Variants in RPGRIP1 observed in about 807,000 individuals in gnomAD.
The protein encoded by RPGRIP1 is RPGR interacting protein 1.
Under a neutral mutation model 157.9 loss-of-function variants are expected in RPGRIP1, and 128 were observed. That is an observed-to-expected ratio of 0.81 (90% CI 0.70 to 0.94). The LOEUF (loss-of-function observed/expected upper bound fraction) is 0.94, where lower values mean the gene tolerates loss of function less well. RPGRIP1 is among the 40% of genes least tolerant of loss of function. The probability of loss-of-function intolerance (pLI) is 0.00; values close to 1 mark genes in which losing one functional copy is unlikely to be tolerated. For synonymous variants in RPGRIP1, 554 were observed against 571.6 expected (o/e 0.97, Z 0.44); for missense variants, 1,486 against 1,545.8 (o/e 0.96, Z 0.65).
At chr14:21,302,679 T>G (rs982555009) in intron 5 of RPGRIP1, 95 bp downstream of exon 5, 5 of 779,972 alleles carry the variant, frequency 6.4e-6, no homozygotes, top group African/African-American at 3.4e-5. Context: ...GATTTGAGTC[T>G]TTTCAGCATG....
intron 24 of RPGRIP1, among the ~76,000 whole-genome samples, chr14:21,350,483 TCTTA>T (rs1385608071): frequency 6.6e-6 from 1 of 152,070 alleles, no homozygotes; most frequent in Non-Finnish European, 1.5e-5. Context: ...ATAAAATTAT[TCTTA>T]CTGATCATTA....
chr14:21,306,083 C>G (rs953291172), intron 6 of RPGRIP1, among the ~76,000 whole-genome samples: 1 of 134,776 alleles, frequency 7.4e-6, no homozygotes, highest in African/African-American at 2.8e-5. Context: ...ATAAAGAAAA[C>G]GTGAGCTCCT....
At position 21,283,039 on chromosome 14, in the gene RPGRIP1, T is replaced by C. The variant is rs76903739; in HGVS notation, c.-39+2880T>C. Among the ~76,000 whole-genome samples the C allele has an allele frequency of 7.4e-3, 1,121 of 152,330 alleles. 20 individuals carry two copies. Among genetic ancestry groups the C allele is most frequent in the African/African-American group, 0.026 (1,075 of 41,580 alleles). Reference sequence around the variant, plus strand: ...AACTCCATTTCATTCTTAGAGCTTCTGTGACTTCAGTTTTAATGATACTTT... The same window carrying C: ...AACTCCATTTCATTCTTAGAGCTTCCGTGACTTCAGTTTTAATGATACTTT... On this transcript the variant is annotated intron_variant, in intron 1 of 24. Transcript: ENST00000400017.
intron 8 of RPGRIP1, 125 bp from the exon 9 acceptor site, chr14:21,311,699 A>G (rs1177113820): frequency 2.8e-6 from 2 of 719,678 alleles, no homozygotes; most frequent in Non-Finnish European, 4.5e-6. Context: ...GTACAAAGGT[A>G]ATAAGCTATT....
chr14:21,339,356 G>A (rs1412755117), intron 21 of RPGRIP1, among the ~76,000 whole-genome samples: 3 of 152,050 alleles, frequency 2.0e-5, no homozygotes, highest in Admixed American at 6.6e-5. Context: ...GGAGAAAGGA[G>A]AATGGTTTGA....
rs539255073 is a variant in RPGRIP1, at chr14:21,342,029, G to C, written c.3340-1007G>C. ...CGTGCCACTGCACTCCAGCCTGGGC[G>C]ACAGAGGGAGACACTGTCTCAAAAA... On this transcript the variant is annotated intron_variant, in intron 21 of 24. Coordinates refer to ENST00000400017, the MANE Select transcript of RPGRIP1 (RefSeq NM_020366.4). 2.7e-5 allele frequency among the ~76,000 whole-genome samples: 4 copies of C among 148,904 alleles called. 1 individual carries two copies. Among genetic ancestry groups the C allele is most frequent in the African/African-American group, 1.0e-4 (4 of 39,998 alleles).
chr14:21,335,473 T>C (rs1884250672), intron 21 of RPGRIP1, among the ~76,000 whole-genome samples: 1 of 152,038 alleles, frequency 6.6e-6, no homozygotes, highest in African/African-American at 2.4e-5. Flanking sequence ...AATTATCTAT[T>C]AAACAGTTCA....
rs111815914 is a variant in RPGRIP1, at chr14:21,340,606, C to T, written c.3340-2430C>T. Among the ~76,000 whole-genome samples the T allele has an allele frequency of 3.3e-5, 5 of 151,910 alleles. No individual in the cohort carries two copies. The East Asian group carries it at 7.7e-4, about 23-fold the overall frequency. The stretch of plus-strand genomic sequence containing the variant: ...GGAGTCAGAGGTTGCAGTGAGCCGA[C>T]GTCGCACCGTTGCACTCCAGCCTGG... On this transcript the variant is annotated intron_variant, in intron 21 of 24. Transcript: ENST00000400017.
chr14:21,293,721 A>G (rs1053589780), intron 2 of RPGRIP1, among the ~76,000 whole-genome samples: 57 of 152,166 alleles, frequency 3.7e-4, no homozygotes, highest in African/African-American at 1.3e-3. Context: ...TACTAAAAAT[A>G]CAAAAAAATT....
At chr14:21,281,277 C>T (rs1880115137) in intron 1 of RPGRIP1, among the ~76,000 whole-genome samples, 1 of 152,116 alleles carries the variant, frequency 6.6e-6, no homozygotes, top group South Asian at 2.1e-4. Context: ...CCGCCTTGGC[C>T]TCCCAAAGTG....
At chr14:21,328,722 C>G in intron 19 of RPGRIP1, 95 bp downstream of exon 19, 1 of 908,850 alleles carries the variant, frequency 1.1e-6, no homozygotes, top group Non-Finnish European at 1.7e-6. Flanking sequence ...GAAGCAGACA[C>G]ACAAGATAAG....
At chr14:21,303,613 T>C in intron 6 of RPGRIP1, 70 bp downstream of exon 6, 1 of 1,167,184 alleles carries the variant, frequency 8.6e-7, no homozygotes, top group Non-Finnish European at 1.3e-6. Flanking sequence ...TATTTATACC[T>C]TTCCTCCATC....
intron 17 of RPGRIP1, 150 bp downstream of exon 17, chr14:21,326,323 A>G (rs1398438012): frequency 8.6e-6 from 5 of 579,820 alleles, no homozygotes; most frequent in South Asian, 2.8e-5. Flanking sequence ...GCAACAGAGC[A>G]GAAGACTTAG....
rs767010058 is a variant in RPGRIP1, at chr14:21,348,300, A to G, written c.3746A>G (p.Asp1249Gly). The change falls in exon 24 of 25, where the codon GAC becomes GGC. Residue 1249 changes from aspartate to glycine, a missense_variant and splice_region_variant. Physicochemically the swap from Asp to Gly is moderately conservative, Grantham distance 94. Transcript: ENST00000400017. ...SGRDILEQEL[D>G]IVSPEDLATP... Reference sequence around the variant, plus strand: ...AGAGATATTCTAGAGCAAGAGCTAGACAGTGAGTCATTTTTTTTTCAGTTC... The same window carrying G: ...AGAGATATTCTAGAGCAAGAGCTAGGCAGTGAGTCATTTTTTTTTCAGTTC... 6.4e-7 allele frequency: 1 copy of G among 1,559,094 alleles called. No individual in the cohort carries two copies. The highest frequency in any genetic ancestry group is 8.6e-7 in the Non-Finnish European group (1 of 1,157,948).
rs1242582687 is a variant in RPGRIP1 at position 21,303,353 on chromosome 14, A to G, written c.610A>G (p.Ile204Val). 6.2e-7 allele frequency: 1 copy of G among 1,613,334 alleles called. No individual in the cohort carries two copies. Among genetic ancestry groups the G allele is most frequent in the Non-Finnish European group, 8.5e-7 (1 of 1,179,536 alleles). Reference sequence around the variant, plus strand: ...TAGTGTTTCTGGTTCTAACAGCATAATTTCTTTCAGCAGTGTCATAAGTAT... The same window carrying G: ...TAGTGTTTCTGGTTCTAACAGCATAGTTTCTTTCAGCAGTGTCATAAGTAT... ...SELVSGSNSI[I>V]SFSSVISMAK... The change falls in exon 6 of 25, where the codon ATT (isoleucine) becomes GTT (valine). Residue 204 changes from isoleucine to valine, a missense_variant. Ile to Val is a conservative substitution (Grantham distance 29, BLOSUM62 3). Transcript: ENST00000400017.
intron 21 of RPGRIP1, among the ~76,000 whole-genome samples, chr14:21,339,089 T>C (rs1295360856): frequency 1.3e-5 from 2 of 151,954 alleles, no homozygotes; most frequent in African/African-American, 2.4e-5. Flanking sequence ...TGAGCCAAGA[T>C]TGCACCACTG....
chr14:21,300,913 T>A lies in RPGRIP1; in HGVS notation c.219-53T>A, dbSNP rs28576558. 3.9e-4 allele frequency: 619 copies of A among 1,584,068 alleles called. 2 individuals are homozygous for A. The African/African-American group carries it at 7.8e-3, about 20-fold the overall frequency. On this transcript the variant is annotated intron_variant, in intron 3 of 24. Coordinates refer to ENST00000400017, the MANE Select transcript of RPGRIP1 (RefSeq NM_020366.4). Reference sequence around the variant, plus strand: ...GTGATTATATGTCCCAAATAACCCGTAGAAATAATAACTGTCATGAAAGGA... The same window carrying A: ...GTGATTATATGTCCCAAATAACCCGAAGAAATAATAACTGTCATGAAAGGA...
At position 21,328,870 on chromosome 14, in the gene RPGRIP1, G is replaced by A. The variant is rs7159529; in HGVS notation, c.3099+243G>A. 0.21 allele frequency among the ~76,000 whole-genome samples: 32,506 copies of A among 151,862 alleles called. 3,713 individuals carry two copies. The highest frequency in any genetic ancestry group is 0.3 in the African/African-American group (12,282 of 41,386). On this transcript the variant is annotated intron_variant, in intron 19 of 24. Transcript: ENST00000400017. The stretch of plus-strand genomic sequence containing the variant: ...CTAAAAATACAAAATGAGGCCTGGT[G>A]CAGTGGCTCACGCCTGTAATCCCAA...
At chr14:21,325,430 A>G in intron 16 of RPGRIP1, 47 bp downstream of exon 16, 1 of 1,532,766 alleles carries the variant, frequency 6.5e-7, no homozygotes, top group Non-Finnish European at 8.8e-7. Context: ...CCTCAGCCAA[A>G]CAGCTCATGA....
Sources: gnomAD v4.1 joint callset for allele counts (sites outside exome capture counted in the v4.1 genomes callset) on GRCh38, gnomAD v4.1.1 for gene constraint, MANE v1.5 for transcripts, NCBI Gene and HGNC (gene_info 2026-07-23, HGNC 2026-07-21) for gene names.